The following FNBP1L variants were observed in gnomAD, a reference collection of about 807,000 sequenced individuals.
The protein encoded by FNBP1L is formin-binding protein 1-like.
Under a neutral mutation model 91.2 loss-of-function variants are expected in FNBP1L, and 36 were observed. The observed-to-expected ratio is 0.39, with a 90% confidence interval of 0.30 to 0.52. The LOEUF (loss-of-function observed/expected upper bound fraction) is 0.52, where lower values mean the gene tolerates loss of function less well. Among genes scored for constraint, FNBP1L ranks in the 20% least tolerant of loss-of-function variants. The pLI is 0.66. For synonymous variants in FNBP1L, 242 were observed against 237.0 expected (o/e 1.02, Z -0.19); for missense variants, 571 against 732.1 (o/e 0.78, Z 2.54).
At chr1:93,486,740 G>T (rs1570792997) in intron 1 of FNBP1L, among the ~76,000 whole-genome samples, 1 of 152,216 alleles carries the variant, frequency 6.6e-6, no homozygotes, top group African/African-American at 2.4e-5. Context: ...TTAGACCTAT[G>T]CCCACTTACT....
At chr1:93,524,947 C>T (rs905461643) in intron 5 of FNBP1L, among the ~76,000 whole-genome samples, 2 of 151,810 alleles carry the variant, frequency 1.3e-5, no homozygotes, top group Non-Finnish European at 2.9e-5. Context: ...CCCCAAGGCA[C>T]TTGCTCATGT....
intron 2 of FNBP1L, among the ~76,000 whole-genome samples, chr1:93,515,207 A>G (rs901681933): frequency 6.6e-6 from 1 of 152,214 alleles, no homozygotes; most frequent in African/African-American, 2.4e-5. Flanking sequence ...AATCAAAACC[A>G]CAATGACATA....
rs148301171 is a variant in FNBP1L at position 93,519,202 on chromosome 1, A to G, written c.141-2880A>G. Among the ~76,000 whole-genome samples the G allele has an allele frequency of 9.5e-4, 145 of 152,294 alleles. No individual in the cohort carries two copies. In the East Asian group the frequency reaches 0.016, roughly 17 times the overall value. On this transcript the variant is annotated intron_variant, in intron 2 of 16. Transcript: ENST00000271234. ...GAGTATTTATTCAGAGTTCCTTCAT[A>G]TGACTTTAGAAGGGTCTCTGCTTCG...
intron 2 of FNBP1L, among the ~76,000 whole-genome samples, chr1:93,506,176 A>C (rs1383402172): frequency 1.3e-5 from 2 of 152,184 alleles, no homozygotes; most frequent in Non-Finnish European, 2.9e-5. Context: ...TACTGCTAGA[A>C]GGCTTGGTCT....
At chr1:93,547,238 C>CT (rs1672272294) in intron 13 of FNBP1L, 109 bp from the exon 14 acceptor site, 1 of 1,013,300 alleles carries the variant, frequency 9.9e-7, no homozygotes, top group Non-Finnish European at 1.5e-6. Context: ...TTTCACATCT[C>CT]TAAGAATTAC....
At chr1:93,550,494 T>A (rs1262906637) in intron 15 of FNBP1L, among the ~76,000 whole-genome samples, 1 of 152,092 alleles carries the variant, frequency 6.6e-6, no homozygotes, top group Non-Finnish European at 1.5e-5. Context: ...ATCTCTAGAG[T>A]CAAACCCGTA....
At chr1:93,459,748 A>G (rs547878843) in intron 1 of FNBP1L, among the ~76,000 whole-genome samples, 42 of 152,308 alleles carry the variant, frequency 2.8e-4, no homozygotes, top group African/African-American at 9.9e-4. Flanking sequence ...GGAAATTAGT[A>G]TGGTGAAGAG....
chr1:93,523,045 G>C (rs1373800210), intron 3 of FNBP1L, among the ~76,000 whole-genome samples: 3 of 152,196 alleles, frequency 2.0e-5, no homozygotes, highest in Non-Finnish European at 2.9e-5. Flanking sequence ...GCTCAGGCCA[G>C]TCAGTTGGCA....
At chr1:93,543,338 T>G (rs1672113910) in intron 11 of FNBP1L, among the ~76,000 whole-genome samples, 1 of 152,190 alleles carries the variant, frequency 6.6e-6, no homozygotes, top group Non-Finnish European at 1.5e-5. Flanking sequence ...ATTGCATAGT[T>G]TTTTGAATAT....
At chr1:93,473,117 G>A (rs764719703) in intron 1 of FNBP1L, among the ~76,000 whole-genome samples, 3 of 151,888 alleles carry the variant, frequency 2.0e-5, no homozygotes, top group Non-Finnish European at 4.4e-5. Flanking sequence ...TCTTAGATTT[G>A]TCTATTTCTT....
rs1346524227 is a variant in FNBP1L at position 93,508,664 on chromosome 1, T to C, written c.140+9081T>C. ...TCTTCCCCTTACCTCTTGTGTTACA[T>C]GTGCTCTTCCTCCCAGAAGCTAGAG... On this transcript the variant is annotated intron_variant, in intron 2 of 16. Transcript: ENST00000271234. 2.0e-5 allele frequency among the ~76,000 whole-genome samples: 3 copies of C among 152,206 alleles called. No homozygotes were observed. The East Asian group carries it at 5.8e-4, about 29-fold the overall frequency.
chr1:93,537,705 C>T (rs991697248), intron 10 of FNBP1L, among the ~76,000 whole-genome samples: 3 of 152,054 alleles, frequency 2.0e-5, no homozygotes, highest in African/African-American at 7.2e-5. Context: ...TGTATGATAA[C>T]TGTAGGCATG....
intron 8 of FNBP1L, 132 bp downstream of exon 8, chr1:93,533,200 C>A: frequency 1.6e-6 from 1 of 614,988 alleles, no homozygotes; most frequent in Non-Finnish European, 2.5e-6. Flanking sequence ...AGAAGAATGT[C>A]TTGCAATAGA....
intron 1 of FNBP1L, among the ~76,000 whole-genome samples, chr1:93,470,897 A>G (rs1165339249): frequency 6.6e-6 from 1 of 151,174 alleles, no homozygotes; most frequent in African/African-American, 2.4e-5. Context: ...AAAGTCCAGG[A>G]AATGTGGGGT....
chr1:93,477,222 G>A (rs190215374), intron 1 of FNBP1L, among the ~76,000 whole-genome samples: 1 of 152,340 alleles, frequency 6.6e-6, no homozygotes, highest in Non-Finnish European at 1.5e-5. Flanking sequence ...GGAGTAGAAT[G>A]ATGGCAATAG....
In FNBP1L at chr1:93,529,863, A is replaced by C. The variant is rs183626830; in HGVS notation, c.510+107A>C. ...CAGTATTAGGATTTACTTGAGATAC[A>C]CTGTATCTAAGTCTAAAATATACAA... On this transcript the variant is annotated intron_variant, in intron 6 of 16. Coordinates refer to ENST00000271234, the MANE Select transcript of FNBP1L (RefSeq NM_001164473.3). The C allele has an allele frequency of 3.0e-3, 1,986 of 669,658 alleles. 13 individuals carry two copies. Among genetic ancestry groups the C allele is most frequent in the Non-Finnish European group, 4.2e-3 (1,678 of 398,970 alleles). 41.5% of individuals were successfully genotyped at this position (669,658 alleles called of 1,614,324 possible).
Position 93,523,505 on chromosome 1 carries a change from T to G in FNBP1L, c.342+14T>G. 1 of 1,593,496 alleles carries G rather than the reference T, an allele frequency of 6.3e-7. No individual in the cohort carries two copies. The highest frequency in any genetic ancestry group is 8.6e-7 in the Non-Finnish European group (1 of 1,169,076). On this transcript the variant is annotated intron_variant, in intron 4 of 16. Transcript: ENST00000271234. ...GAAAGAAAAATGGTAATTCTTACAA[T>G]TTTCATCCAATTGCAATAGTATATG... is the stretch of plus-strand genomic sequence containing the variant.
intron 1 of FNBP1L, among the ~76,000 whole-genome samples, chr1:93,456,811 A>C (rs901304392): frequency 6.6e-6 from 1 of 151,786 alleles, no homozygotes; most frequent in African/African-American, 2.4e-5. Flanking sequence ...TTGGGGGAGT[A>C]TTTACAGGGG....
intron 2 of FNBP1L, among the ~76,000 whole-genome samples, chr1:93,521,771 A>G (rs1671336259): frequency 2.0e-5 from 3 of 152,268 alleles, no homozygotes; most frequent in Middle Eastern, 6.8e-3. Flanking sequence ...ACAGAGGGCC[A>G]ATTGTACTTT....
Sources: allele counts gnomAD v4.1 joint callset (sites outside exome capture counted in the v4.1 genomes callset), GRCh38; gene constraint gnomAD v4.1.1; transcripts MANE v1.5; gene names NCBI Gene and HGNC (gene_info 2026-07-23, HGNC 2026-07-21).